The following LRRTM4 variants were observed in gnomAD, a reference collection of about 807,000 sequenced individuals.
LRRTM4 encodes leucine rich repeat transmembrane neuronal 4, also known as leucine-rich repeat transmembrane neuronal protein 4.
Under a neutral mutation model 47.6 loss-of-function variants are expected in LRRTM4, and 25 were observed. That is an observed-to-expected ratio of 0.53 (90% CI 0.38 to 0.73). LRRTM4 has a LOEUF of 0.73. LRRTM4 is among the 30% of genes least tolerant of loss of function. The probability of loss-of-function intolerance (pLI) is 0.00; values close to 1 mark genes in which losing one functional copy is unlikely to be tolerated. For synonymous variants in LRRTM4, 311 were observed against 269.5 expected (o/e 1.15, Z -1.51); for missense variants, 638 against 713.4 (o/e 0.89, Z 1.20).
intron 3 of LRRTM4, among the ~76,000 whole-genome samples, chr2:77,354,057 G>T (rs1671882597): frequency 1.3e-5 from 2 of 152,136 alleles, no homozygotes; most frequent in African/African-American, 4.8e-5. Flanking sequence ...TTAAGGGGTA[G>T]GTTATTCTAC....
At chr2:77,098,237 G>A (rs997597401) in intron 3 of LRRTM4, among the ~76,000 whole-genome samples, 46 of 152,112 alleles carry the variant, frequency 3.0e-4, no homozygotes, top group African/African-American at 1.1e-3. Flanking sequence ...AAATCAACTT[G>A]GGAGAACTTA....
In LRRTM4 at chr2:76,783,732, C is replaced by T. The variant is rs115579224; in HGVS notation, c.1552-34816G>A. ...AATACCATTTGGCATCCCTATTTCC[C>T]GTACAAACCTTTTGCTCCACTTGGA... On this transcript the variant is annotated intron_variant, in intron 3 of 3. Transcript: ENST00000409884. Among the ~76,000 whole-genome samples, 295 of 152,242 alleles carry T rather than the reference C, an allele frequency of 1.9e-3. 1 individual carries two copies. Among genetic ancestry groups the T allele is most frequent in the African/African-American group, 6.6e-3 (275 of 41,544 alleles).
chr2:77,415,783 G>C (rs1184378298), intron 3 of LRRTM4, among the ~76,000 whole-genome samples: 1 of 151,956 alleles, frequency 6.6e-6, no homozygotes, highest in African/African-American at 2.4e-5. Context: ...GTACTCAACT[G>C]GGCTTAATTC....
rs1675603731 is a variant in LRRTM4, at chr2:76,954,469, G to A, written c.1552-205553C>T. 2.6e-5 allele frequency among the ~76,000 whole-genome samples: 4 copies of A among 151,250 alleles called. No homozygotes were observed. The South Asian group carries it at 8.3e-4, about 31-fold the overall frequency. On this transcript the variant is annotated intron_variant, in intron 3 of 3. Coordinates refer to ENST00000409884, the MANE Select transcript of LRRTM4 (RefSeq NM_001134745.3). ...AAAGAAAGAAATCAACAGACTTGAA[G>A]ATAGGTCATTTGAAATTATCCAGCC...
intron 3 of LRRTM4, among the ~76,000 whole-genome samples, chr2:76,974,119 A>C (rs1294638584): frequency 2.0e-5 from 3 of 147,412 alleles, no homozygotes; most frequent in Admixed American, 6.8e-5. Flanking sequence ...CATAATTATT[A>C]ACACATTTGC....
At chr2:77,187,665 T>C (rs894931170) in intron 3 of LRRTM4, among the ~76,000 whole-genome samples, 35 of 152,232 alleles carry the variant, frequency 2.3e-4, no homozygotes, top group African/African-American at 6.5e-4. Flanking sequence ...AAGATATCTA[T>C]TCTGGCTTTT....
intron 3 of LRRTM4, among the ~76,000 whole-genome samples, chr2:76,841,671 A>G (rs1289214648): frequency 1.3e-5 from 2 of 150,136 alleles, no homozygotes; most frequent in African/African-American, 4.9e-5. Context: ...GGAGAAAAAA[A>G]AAAAAAACTT....
At chr2:76,876,501 A>G (rs928214176) in intron 3 of LRRTM4, among the ~76,000 whole-genome samples, 2 of 152,136 alleles carry the variant, frequency 1.3e-5, no homozygotes, top group Non-Finnish European at 2.9e-5. Context: ...TAAAAATGTA[A>G]AAAAAGGATA....
At chr2:77,397,476 A>G (rs1219417755) in intron 3 of LRRTM4, among the ~76,000 whole-genome samples, 1 of 151,870 alleles carries the variant, frequency 6.6e-6, no homozygotes, top group Non-Finnish European at 1.5e-5. Context: ...GGAGGTGATT[A>G]TGACCTGGTC....
chr2:77,164,750 G>A (rs1672831558), intron 3 of LRRTM4, among the ~76,000 whole-genome samples: 1 of 152,166 alleles, frequency 6.6e-6, no homozygotes, highest in African/African-American at 2.4e-5. Context: ...AAATAAAGAT[G>A]TTCTTTGAAA....
In LRRTM4 at chr2:76,807,423, TAC is replaced by T. The variant is rs1553412607; in HGVS notation, c.1552-58509_1552-58508del. ...ATGTATATACGTATATATATATATATACATATATATATACGTATATACATATA... is the reference window on the plus strand; with the variant it reads ...ATGTATATACGTATATATATATATATATATATATATACGTATATACATATA... On this transcript the variant is annotated intron_variant, in intron 3 of 3. Transcript: ENST00000409884. Among the ~76,000 whole-genome samples the T allele has an allele frequency of 2.5e-4, 22 of 87,666 alleles. 1 individual carries two copies. The highest frequency in any genetic ancestry group is 3.6e-4 in the African/African-American group (9 of 24,676). The allele number at this position is 87,666 out of a possible 152,430, so 57.5% of individuals were successfully genotyped here.
chr2:77,124,697 T>A (rs1671609009), intron 3 of LRRTM4, among the ~76,000 whole-genome samples: 1 of 152,144 alleles, frequency 6.6e-6, no homozygotes, highest in South Asian at 2.1e-4. Context: ...TATTTTTGAT[T>A]CAGTTTTGTA....
chr2:77,080,682 T>C (rs1572936337), intron 3 of LRRTM4, among the ~76,000 whole-genome samples: 1 of 152,170 alleles, frequency 6.6e-6, no homozygotes, highest in Admixed American at 6.6e-5. Flanking sequence ...TTTAACACTT[T>C]AAAAAATTAT....
intron 3 of LRRTM4, among the ~76,000 whole-genome samples, chr2:77,063,503 A>T (rs1679859253): frequency 6.6e-6 from 1 of 152,192 alleles, no homozygotes; most frequent in Non-Finnish European, 1.5e-5. Flanking sequence ...AAGTAGAAAA[A>T]TAGAGCTTTT....
chr2:77,041,854 T>A (rs879607201), intron 3 of LRRTM4, among the ~76,000 whole-genome samples: 1 of 150,214 alleles, frequency 6.7e-6, no homozygotes, highest in Non-Finnish European at 1.5e-5. Context: ...ACTTTTGCAC[T>A]GACCTAATAT....
Position 77,351,973 on chromosome 2 carries a change from A to T in LRRTM4, c.1551+166345T>A, listed in dbSNP as rs562071948. ...TTTCTTCATTTTGTACAACTTTATT[A>T]ATGAAGTCACCTTCATCACATGTTT... On this transcript the variant is annotated intron_variant, in intron 3 of 3. Coordinates refer to ENST00000409884, the MANE Select transcript of LRRTM4 (RefSeq NM_001134745.3). Among the ~76,000 whole-genome samples, 7 of 152,216 alleles carry T rather than the reference A, an allele frequency of 4.6e-5. No individual in the cohort carries two copies. The East Asian group carries it at 1.2e-3, about 25-fold the overall frequency.
chr2:76,854,206 C>T (rs1395074038), intron 3 of LRRTM4, among the ~76,000 whole-genome samples: 3 of 152,040 alleles, frequency 2.0e-5, no homozygotes, highest in Admixed American at 6.6e-5. Flanking sequence ...TAGAAATTTA[C>T]TTTTGTAGTC....
chr2:77,012,433 C>T (rs1677909461), intron 3 of LRRTM4, among the ~76,000 whole-genome samples: 1 of 152,096 alleles, frequency 6.6e-6, no homozygotes, highest in African/African-American at 2.4e-5. Context: ...CTCCCTTCCA[C>T]TTTTCATCTT....
intron 3 of LRRTM4, among the ~76,000 whole-genome samples, chr2:77,200,711 A>G (rs956375539): frequency 1.3e-5 from 2 of 152,110 alleles, no homozygotes. Context: ...TATAGTCCTC[A>G]GTGGATTCTT....
Sources: gnomAD v4.1 joint callset for allele counts (sites outside exome capture counted in the v4.1 genomes callset) on GRCh38, gnomAD v4.1.1 for gene constraint, MANE v1.5 for transcripts, NCBI Gene and HGNC (gene_info 2026-07-23, HGNC 2026-07-21) for gene names.